Variants in ST6GALNAC3 observed in about 807,000 individuals in gnomAD.
ST6GALNAC3 encodes the protein alpha-N-acetylgalactosaminide alpha-2,6-sialyltransferase 3.
In ST6GALNAC3, 25 loss-of-function variants were observed where a neutral mutation model predicts 32.7. The ratio of observed to expected loss-of-function variants is 0.76; its 90% CI spans 0.56 to 1.07. The LOEUF (loss-of-function observed/expected upper bound fraction) is 1.07. ST6GALNAC3 is among the 50% of genes least tolerant of loss of function. The pLI is 0.00. For missense variants in ST6GALNAC3, 355 were observed against 382.4 expected (o/e 0.93, Z 0.60); for synonymous variants, 129 against 133.1 (o/e 0.97, Z 0.21).
chr1:76,336,496 G>A (rs1376794246), intron 2 of ST6GALNAC3, among the ~76,000 whole-genome samples: 2 of 152,156 alleles, frequency 1.3e-5, no homozygotes, highest in Non-Finnish European at 2.9e-5. Context: ...TGGAATCTGA[G>A]CACATTGGGC....
At chr1:76,190,756 G>A (rs1570378148) in intron 1 of ST6GALNAC3, among the ~76,000 whole-genome samples, 1 of 152,192 alleles carries the variant, frequency 6.6e-6, no homozygotes, top group Non-Finnish European at 1.5e-5. Context: ...TGGTGGGATT[G>A]AGATTCCATC....
intron 3 of ST6GALNAC3, among the ~76,000 whole-genome samples, chr1:76,491,271 GCTGTAAGCTGGCCT>G (rs762782090): frequency 3.9e-5 from 6 of 152,068 alleles, no homozygotes; most frequent in Non-Finnish European, 7.4e-5. Flanking sequence ...CAACAGTTTT[GCTGTAAGCTGGCCT>G]CATATTTTCT....
intron 1 of ST6GALNAC3, among the ~76,000 whole-genome samples, chr1:76,184,105 G>A (rs1480157958): frequency 6.6e-6 from 1 of 151,626 alleles, no homozygotes; most frequent in African/African-American, 2.4e-5. Context: ...CCTTATTTTA[G>A]TTCATTTCTA....
intron 1 of ST6GALNAC3, among the ~76,000 whole-genome samples, chr1:76,192,791 C>A (rs1170271358): frequency 6.6e-6 from 1 of 152,146 alleles, no homozygotes; most frequent in East Asian, 1.9e-4. Flanking sequence ...CATAGACTCC[C>A]AGGTGTCCTT....
intron 3 of ST6GALNAC3, among the ~76,000 whole-genome samples, chr1:76,565,340 A>G (rs1390872762): frequency 1.3e-5 from 2 of 152,154 alleles, no homozygotes; most frequent in Non-Finnish European, 2.9e-5. Context: ...ACTTTGGTGG[A>G]GCTACCACTG....
At chr1:76,172,161 C>T (rs1158898512) in intron 1 of ST6GALNAC3, among the ~76,000 whole-genome samples, 1 of 152,108 alleles carries the variant, frequency 6.6e-6, no homozygotes, top group Non-Finnish European at 1.5e-5. Flanking sequence ...GGCTTTATCG[C>T]TGGGATGCAA....
At chr1:76,315,192 G>T (rs951619806) in intron 2 of ST6GALNAC3, among the ~76,000 whole-genome samples, 7 of 152,060 alleles carry the variant, frequency 4.6e-5, no homozygotes, top group Non-Finnish European at 7.4e-5. Flanking sequence ...AATTTGTTGA[G>T]TGTCCTAATA....
intron 1 of ST6GALNAC3, among the ~76,000 whole-genome samples, chr1:76,216,609 T>G (rs1655477945): frequency 6.6e-6 from 1 of 152,228 alleles, no homozygotes; most frequent in African/African-American, 2.4e-5. Context: ...CTTTTCTTCT[T>G]TCTTCTTTTC....
intron 3 of ST6GALNAC3, among the ~76,000 whole-genome samples, chr1:76,556,063 C>T (rs1447236499): frequency 1.3e-5 from 2 of 152,068 alleles, no homozygotes; most frequent in Non-Finnish European, 2.9e-5. Context: ...TGTAAGCAGC[C>T]ACTAATCTGC....
chr1:76,590,420 C>T (rs1335254779), intron 3 of ST6GALNAC3, among the ~76,000 whole-genome samples: 1 of 152,156 alleles, frequency 6.6e-6, no homozygotes, highest in African/African-American at 2.4e-5. Flanking sequence ...TTCAAACACA[C>T]ACTTGGAATT....
At chr1:76,409,782 C>T (rs951341507) in intron 2 of ST6GALNAC3, among the ~76,000 whole-genome samples, 19 of 152,026 alleles carry the variant, frequency 1.2e-4, no homozygotes, top group African/African-American at 4.1e-4. Context: ...TGACAAAAAT[C>T]GGTGTAGTGT....
chr1:76,407,703 A>G (rs1012684835), intron 2 of ST6GALNAC3, among the ~76,000 whole-genome samples: 1 of 152,036 alleles, frequency 6.6e-6, no homozygotes, highest in Non-Finnish European at 1.5e-5. Context: ...AGCAAAAAAT[A>G]GAGACAATTC....
chr1:76,324,969 C>A (rs1463983798), intron 2 of ST6GALNAC3, among the ~76,000 whole-genome samples: 1 of 152,048 alleles, frequency 6.6e-6, no homozygotes, highest in African/African-American at 2.4e-5. Context: ...TTCTAGGGTA[C>A]ATGTGCACAA....
At chr1:76,357,130 C>CTTTCTTTTT (rs1165946045) in intron 2 of ST6GALNAC3, among the ~76,000 whole-genome samples, 9 of 111,174 alleles carry the variant, frequency 8.1e-5, no homozygotes, top group African/African-American at 3.0e-4. Context: ...TTTTCTTTTT[C>CTTTCTTTTT]TTTTTTTTTT....
At chr1:76,593,518 A>G (rs76594319) in intron 3 of ST6GALNAC3, among the ~76,000 whole-genome samples, 8 of 152,318 alleles carry the variant, frequency 5.3e-5, no homozygotes, top group African/African-American at 1.9e-4. Context: ...ACAGGGCAGA[A>G]TTTTGAGAAA....
At chr1:76,322,903 C>T (rs374117638) in intron 2 of ST6GALNAC3, among the ~76,000 whole-genome samples, 3 of 152,106 alleles carry the variant, frequency 2.0e-5, no homozygotes, top group East Asian at 3.9e-4. Context: ...TTCAGTGGCA[C>T]GATCTCGGCT....
chr1:76,591,051 T>C (rs986268349), intron 3 of ST6GALNAC3, among the ~76,000 whole-genome samples: 10 of 152,150 alleles, frequency 6.6e-5, no homozygotes, highest in Non-Finnish European at 1.3e-4. Context: ...TAAAGGAAGA[T>C]ATTTGATGCT....
chr1:76,568,882 AT>A (rs1665703941), intron 3 of ST6GALNAC3, among the ~76,000 whole-genome samples: 2 of 152,142 alleles, frequency 1.3e-5, no homozygotes, highest in South Asian at 4.1e-4. Flanking sequence ...CATTTTCCAA[AT>A]GGATTTTGTT....
chr1:76,405,589 G>GTGTGTGTGTGTGTGTGTATT, intron 2 of ST6GALNAC3, among the ~76,000 whole-genome samples: 1 of 125,994 alleles, frequency 7.9e-6, no homozygotes, highest in South Asian at 3.0e-4. Context: ...GGTAACAGAT[G>GTGTGTGTGTGTGTGTGTATT]TGTGTGTGTG....
Sources: gnomAD v4.1 joint callset for allele counts (sites outside exome capture counted in the v4.1 genomes callset) on GRCh38, gnomAD v4.1.1 for gene constraint, MANE v1.5 for transcripts, NCBI Gene and HGNC (gene_info 2026-07-23, HGNC 2026-07-21) for gene names.